EGFR: variants seen among roughly 807,000 people sequenced by gnomAD.
EGFR encodes avian erythroblastic leukemia viral (v-erb-b) oncogene homolog.
In EGFR, 58 loss-of-function variants were observed where a neutral mutation model predicts 143.0. The observed-to-expected ratio is 0.41, with a 90% CI of 0.33 to 0.50. EGFR has a LOEUF of 0.50. Among genes scored for constraint, EGFR ranks in the 20% least tolerant of loss-of-function variants. The pLI, the probability that EGFR is intolerant of heterozygous loss-of-function variation, is 0.39. For missense variants in EGFR, 1,307 were observed against 1,579.0 expected, an observed-to-expected ratio of 0.83 and a Z score of 2.92; for synonymous variants, 613 against 594.4, an observed-to-expected ratio of 1.03 and a Z score of -0.45.
intron 1 of EGFR, among the ~76,000 whole-genome samples, chr7:55,100,127 CTG>C (rs950929426): frequency 6.6e-6 from 1 of 152,234 alleles, no homozygotes; most frequent in African/African-American, 2.4e-5. Flanking sequence ...TCAGCGGAGA[CTG>C]TGGTGGCTTT....
Position 55,211,113 on chromosome 7 carries a change from A to G in EGFR, c.*5496A>G, listed in dbSNP as rs934044507. On this transcript the variant is annotated 3_prime_UTR_variant, in exon 28 of 28. Transcript: ENST00000275493. Reference sequence around the variant, plus strand: ...CCTGCAGTGTGTCCTCTGAGGCTGCAAGTCTGTCCTATCTGAATTCCCAGC... The same window carrying G: ...CCTGCAGTGTGTCCTCTGAGGCTGCGAGTCTGTCCTATCTGAATTCCCAGC... The G allele has an allele frequency of 6.6e-6, 1 of 152,204 alleles. No homozygotes were observed. Among genetic ancestry groups the G allele is most frequent in the South Asian group, 2.1e-4 (1 of 4,834 alleles). 9.4% of individuals were successfully genotyped at this position (152,204 alleles called of 1,614,324 possible). A position where few individuals can be genotyped will look rare whatever the true frequency, so the allele number is the denominator to read the frequency against.
In EGFR at chr7:55,208,075, A is replaced by C. The variant is rs1375726662; in HGVS notation, c.*2458A>C. 1 of 152,104 alleles carries C rather than the reference A, an allele frequency of 6.6e-6. No individual in the cohort carries two copies. The highest frequency in any genetic ancestry group is 1.9e-4 in the East Asian group (1 of 5,194). The allele number at this position is 152,104 out of a possible 1,614,324, so 9.4% of individuals were successfully genotyped here. A position where few individuals can be genotyped will look rare whatever the true frequency, so the allele number is the denominator to read the frequency against. On this transcript the variant is annotated 3_prime_UTR_variant, in exon 28 of 28. Coordinates refer to ENST00000275493, the MANE Select transcript of EGFR (RefSeq NM_005228.5). ...AAACAGTAACTTAATAAAAGAGCAA[A>C]AGCTATTCTAGCTTTCTTCTTCATA...
chr7:55,158,419 A>G (rs761319920), intron 11 of EGFR, among the ~76,000 whole-genome samples: 62 of 152,188 alleles, frequency 4.1e-4, no homozygotes, highest in Non-Finnish European at 8.8e-5. Context: ...ACTAGATAAT[A>G]CTGTGCAACA....
chr7:55,187,480 CA>C (rs1787192836), intron 20 of EGFR, among the ~76,000 whole-genome samples: 1 of 152,166 alleles, frequency 6.6e-6, no homozygotes, highest in Non-Finnish European at 1.5e-5. Flanking sequence ...ACTCTCAGGA[CA>C]GGGGTCCCAG....
intron 4 of EGFR, among the ~76,000 whole-genome samples, chr7:55,147,179 A>G (rs751800236): frequency 6.6e-6 from 1 of 152,226 alleles, no homozygotes; most frequent in Non-Finnish European, 1.5e-5. Context: ...ACATGGAGTC[A>G]CACACACAGC....
Position 55,198,829 on chromosome 7 carries a change from A to ATGT in EGFR, c.2815_2817dup (p.Cys939dup). 2 of 1,614,220 alleles carry ATGT rather than the reference A, an allele frequency of 1.2e-6. No homozygotes were observed. ...GAGAACGCCTCCCTCAGCCACCCAT[A>ATGT]TGTACCATCGATGTCTACATGATCA... On this transcript the variant is annotated inframe_insertion, in exon 23 of 28. Transcript: ENST00000275493.
intron 1 of EGFR, among the ~76,000 whole-genome samples, chr7:55,047,721 A>G (rs1788261641): frequency 6.6e-6 from 1 of 152,316 alleles, no homozygotes; most frequent in Admixed American, 6.5e-5. Context: ...ATTGTACTCC[A>G]GCCTGGGCAA....
At chr7:55,029,409 T>A (rs1055790379) in intron 1 of EGFR, among the ~76,000 whole-genome samples, 1 of 152,184 alleles carries the variant, frequency 6.6e-6, no homozygotes, top group African/African-American at 2.4e-5. Context: ...TCTTCTTCCT[T>A]CCTTGCTTTC....
chr7:55,125,500 A>T (rs1462765199), intron 1 of EGFR, among the ~76,000 whole-genome samples: 1 of 152,236 alleles, frequency 6.6e-6, no homozygotes, highest in Non-Finnish European at 1.5e-5. Flanking sequence ...TTGGGGTGCC[A>T]GCTCCTCCCA....
intron 1 of EGFR, among the ~76,000 whole-genome samples, chr7:55,100,568 G>C (rs1791751961): frequency 2.0e-5 from 3 of 152,240 alleles, no homozygotes; most frequent in Admixed American, 2.0e-4. Context: ...TTACTGCAGA[G>C]TGACCCTGCT....
At chr7:55,083,129 A>T (rs10225877) in intron 1 of EGFR, among the ~76,000 whole-genome samples, 25,492 of 152,244 alleles carry the variant, frequency 0.17, 2,345 homozygotes, top group Non-Finnish European at 0.19. Flanking sequence ...CCATTCTCAA[A>T]TAAGGTTACT....
intron 1 of EGFR, among the ~76,000 whole-genome samples, chr7:55,108,785 A>G (rs1792289993): frequency 6.6e-6 from 1 of 152,222 alleles, no homozygotes; most frequent in Non-Finnish European, 1.5e-5. Flanking sequence ...GTAGGACTCC[A>G]GGTGGCAGAA....
chr7:55,039,375 C>T (rs1466448640), intron 1 of EGFR, among the ~76,000 whole-genome samples: 1 of 152,140 alleles, frequency 6.6e-6, no homozygotes, highest in African/African-American at 2.4e-5. Flanking sequence ...CAGAGATGAC[C>T]AGGATGGTGG....
At chr7:55,174,211 T>C (rs1350781576) in intron 18 of EGFR, among the ~76,000 whole-genome samples, 168 bp downstream of exon 18, 1 of 152,216 alleles carries the variant, frequency 6.6e-6, no homozygotes, top group Non-Finnish European at 1.5e-5. Context: ...AGAGGAAATC[T>C]TTTATAACCA....
At chr7:55,161,410 C>T (rs2128942426) in intron 12 of EGFR, 89 bp from the exon 13 acceptor site, 1 of 1,512,984 alleles carries the variant, frequency 6.6e-7, no homozygotes, top group Non-Finnish European at 8.8e-7. Context: ...TCATGGAGCA[C>T]AGGGCCCCTC....
chr7:55,080,695 C>T (rs141782573), intron 1 of EGFR, among the ~76,000 whole-genome samples: 28 of 152,214 alleles, frequency 1.8e-4, no homozygotes, highest in Middle Eastern at 3.4e-3. Flanking sequence ...TTTAAGTGTT[C>T]TCACCACACC....
At chr7:55,153,894 C>A in intron 6 of EGFR, 117 bp from the exon 7 acceptor site, 1 of 1,486,584 alleles carries the variant, frequency 6.7e-7, no homozygotes, top group Non-Finnish European at 9.3e-7. Flanking sequence ...GAACACTAGG[C>A]TGCAAAGACA....
At chr7:55,145,961 G>C (rs1285950922) in intron 3 of EGFR, among the ~76,000 whole-genome samples, 1 of 152,138 alleles carries the variant, frequency 6.6e-6, no homozygotes, top group Non-Finnish European at 1.5e-5. Context: ...AATGTCATCA[G>C]TGGAACACTC....
chr7:55,204,615 C>G (rs1222452110), intron 27 of EGFR, among the ~76,000 whole-genome samples: 1 of 144,168 alleles, frequency 6.9e-6, no homozygotes, highest in South Asian at 2.3e-4. Context: ...ACACACCACA[C>G]ACACACCACA....
Sources: allele counts gnomAD v4.1 joint callset (sites outside exome capture counted in the v4.1 genomes callset), GRCh38; gene constraint gnomAD v4.1.1; transcripts MANE v1.5; gene names NCBI Gene and HGNC (gene_info 2026-07-23, HGNC 2026-07-21).